The following TAF15 variants were observed in gnomAD, a reference collection of about 807,000 sequenced individuals.
TAF15 encodes TATA-binding protein-associated factor 2N.
A neutral mutation model predicts 102.5 loss-of-function variants in TAF15; 37 were observed. The ratio of observed to expected loss-of-function variants is 0.36; its 90% CI spans 0.28 to 0.47. The LOEUF (loss-of-function observed/expected upper bound fraction) is 0.47, where lower values mean the gene tolerates loss of function less well. TAF15 is among the 20% of genes least tolerant of loss of function. The probability of loss-of-function intolerance (pLI) is 0.99; values close to 1 mark genes in which losing one functional copy is unlikely to be tolerated. For synonymous variants in TAF15, 273 were observed against 259.2 expected, an observed-to-expected ratio of 1.05 and a Z score of -0.51; for missense variants, 652 against 760.7, an observed-to-expected ratio of 0.86 and a Z score of 1.68.
chr17:35,845,229 T>G (rs574599106), intron 15 of TAF15, among the ~76,000 whole-genome samples, 191 bp downstream of exon 15: 31 of 152,326 alleles, frequency 2.0e-4, no homozygotes, highest in African/African-American at 7.5e-4. Context: ...TTTTTAACTT[T>G]AATTTTTATT....
intron 8 of TAF15, 194 bp from the exon 9 acceptor site, chr17:35,834,372 G>A (rs2087444662): frequency 1.2e-5 from 7 of 596,158 alleles, no homozygotes; most frequent in South Asian, 1.1e-4. Context: ...TAAAGGAAAT[G>A]TTGACATTCA....
At chr17:35,809,735 G>A in intron 1 of TAF15, 159 bp downstream of exon 1, 1 of 962,206 alleles carries the variant, frequency 1.0e-6, no homozygotes, top group Non-Finnish European at 1.6e-6. Context: ...TGAACTGGAG[G>A]CACGCACGCT....
chr17:35,830,865 T>C lies in TAF15; in HGVS notation c.606-3042T>C, dbSNP rs546331041. On this transcript the variant is annotated intron_variant, in intron 7 of 15. Coordinates refer to ENST00000605844, the MANE Select transcript of TAF15 (RefSeq NM_139215.3). ...TTTCTCAGAACCTTCCAGGCTATGCTTACGCTTATATTCCATCATGTTTTG... is the reference window on the plus strand; with the variant it reads ...TTTCTCAGAACCTTCCAGGCTATGCCTACGCTTATATTCCATCATGTTTTG... 1.3e-3 allele frequency among the ~76,000 whole-genome samples: 192 copies of C among 152,312 alleles called. 1 individual carries two copies. The highest frequency in any genetic ancestry group is 2.4e-3 in the Non-Finnish European group (161 of 68,020).
chr17:35,844,659 G>A lies in TAF15; in HGVS notation c.1360G>A (p.Gly454Ser), dbSNP rs1410045851. The change falls in exon 15 of 16, where the codon GGC (glycine) becomes AGC (serine). Residue 454 changes from glycine to serine, a missense_variant. Coordinates refer to ENST00000605844, the MANE Select transcript of TAF15 (RefSeq NM_139215.3). The part of the protein sequence containing the change: ...GGYGGDRSGG[G>S]YGGDRGGGYG... ...CTATGGTGGAGACAGAAGTGGGGGT[G>A]GCTATGGTGGGGACAGAGGCGGCGG... 6.3e-7 allele frequency: 1 copy of A among 1,599,678 alleles called. No homozygotes were observed. Among genetic ancestry groups the A allele is most frequent in the South Asian group, 1.1e-5 (1 of 90,258 alleles).
At chr17:35,817,815 GCTT>G (rs762988519) in intron 2 of TAF15, 60 bp downstream of exon 2, 48 of 1,462,312 alleles carry the variant, frequency 3.3e-5, no homozygotes, top group East Asian at 6.8e-5. Flanking sequence ...ATTTTGTCAA[GCTT>G]CTTCTCTTGA....
chr17:35,831,711 A>G (rs1030628747), intron 7 of TAF15, among the ~76,000 whole-genome samples: 1 of 152,166 alleles, frequency 6.6e-6, no homozygotes, highest in Non-Finnish European at 1.5e-5. Flanking sequence ...TTTAAAAGTC[A>G]TCTTTATCCT....
chr17:35,836,518 A>G (rs1379750067), intron 10 of TAF15, among the ~76,000 whole-genome samples: 2 of 152,206 alleles, frequency 1.3e-5, no homozygotes, highest in Non-Finnish European at 2.9e-5. Context: ...TGTGAGAAAT[A>G]AAGGAGTTGC....
intron 1 of TAF15, among the ~76,000 whole-genome samples, chr17:35,814,963 T>C (rs2087178339): frequency 6.6e-6 from 1 of 152,116 alleles, no homozygotes; most frequent in Non-Finnish European, 1.5e-5. Flanking sequence ...AAAATACCTC[T>C]TTGTGTAATT....
intron 1 of TAF15, among the ~76,000 whole-genome samples, chr17:35,814,307 A>G (rs540400806): frequency 1.3e-5 from 2 of 151,942 alleles, no homozygotes; most frequent in Admixed American, 6.6e-5. Context: ...CTGGGACTAC[A>G]GGTGCCCACC....
intron 7 of TAF15, among the ~76,000 whole-genome samples, chr17:35,831,838 T>C (rs2087410304): frequency 6.6e-6 from 1 of 151,612 alleles, no homozygotes; most frequent in Admixed American, 6.6e-5. Flanking sequence ...ATCCCAGCAC[T>C]TTGGGAGCCT....
Position 35,839,348 on chromosome 17 carries a change from A to G in TAF15, c.913+795A>G, listed in dbSNP as rs568186223. ...TAATTTCCCTTCAAATATAAAGTTA[A>G]TACATACTTAGAAGAAATAGACTTT... On this transcript the variant is annotated intron_variant, in intron 11 of 15. Coordinates refer to ENST00000605844, the MANE Select transcript of TAF15 (RefSeq NM_139215.3). Among the ~76,000 whole-genome samples the G allele has an allele frequency of 1.6e-3, 235 of 147,634 alleles. 1 individual carries two copies. Among genetic ancestry groups the G allele is most frequent in the African/African-American group, 5.4e-3 (218 of 40,172 alleles).
At chr17:35,820,529 C>CA in intron 5 of TAF15, 92 bp downstream of exon 5, 2 of 959,734 alleles carry the variant, frequency 2.1e-6, no homozygotes, top group Non-Finnish European at 3.0e-6. Flanking sequence ...TAGCTTTAAA[C>CA]TTTTTTTTTT....
At chr17:35,830,805 T>C (rs972271837) in intron 7 of TAF15, among the ~76,000 whole-genome samples, 1 of 152,214 alleles carries the variant, frequency 6.6e-6, no homozygotes, top group Admixed American at 6.5e-5. Flanking sequence ...CAGGTTCTTA[T>C]TCAGTAGGTC....
intron 1 of TAF15, among the ~76,000 whole-genome samples, chr17:35,816,531 A>T (rs1387805793): frequency 6.6e-6 from 1 of 152,218 alleles, no homozygotes; most frequent in African/African-American, 2.4e-5. Flanking sequence ...TGTGTTTTAG[A>T]ACTATTTGAC....
At chr17:35,816,165 C>T (rs1366415163) in intron 1 of TAF15, among the ~76,000 whole-genome samples, 6 of 152,114 alleles carry the variant, frequency 3.9e-5, no homozygotes, top group South Asian at 2.1e-4. Context: ...AAATCTTGTT[C>T]GGTCTAATTG....
At chr17:35,833,170 A>T (rs932499775) in intron 7 of TAF15, among the ~76,000 whole-genome samples, 1 of 145,920 alleles carries the variant, frequency 6.9e-6, no homozygotes, top group Non-Finnish European at 1.5e-5. Flanking sequence ...AAAAAAAAAA[A>T]GTTGTCCTGT....
intron 7 of TAF15, among the ~76,000 whole-genome samples, chr17:35,826,442 C>G (rs79005065): frequency 0.021 from 3,251 of 152,212 alleles, 69 homozygotes; most frequent in East Asian, 0.12. Flanking sequence ...TCTATTGTAA[C>G]TATTCATCTC....
intron 2 of TAF15, among the ~76,000 whole-genome samples, chr17:35,819,053 G>A (rs543006825): frequency 6.6e-6 from 1 of 152,132 alleles, no homozygotes; most frequent in East Asian, 1.9e-4. Context: ...TCAACTTATA[G>A]GATAAATGTT....
At chr17:35,828,227 A>G (rs113349499) in intron 7 of TAF15, among the ~76,000 whole-genome samples, 7 of 152,330 alleles carry the variant, frequency 4.6e-5, no homozygotes, top group African/African-American at 1.7e-4. Context: ...GGCACTGTAT[A>G]CATCAGTCTA....
Sources: gnomAD v4.1 joint callset for allele counts (sites outside exome capture counted in the v4.1 genomes callset) on GRCh38, gnomAD v4.1.1 for gene constraint, MANE v1.5 for transcripts, NCBI Gene and HGNC (gene_info 2026-07-23, HGNC 2026-07-21) for gene names.